The following VSIG4 variants were observed in gnomAD, a reference collection of about 807,000 sequenced individuals.
The protein encoded by VSIG4 is V-set and immunoglobulin domain-containing protein 4.
A neutral mutation model predicts 23.4 loss-of-function variants in VSIG4; 34 were observed. The observed-to-expected ratio is 1.45, with a 90% CI of 1.10 to 1.93. The LOEUF (loss-of-function observed/expected upper bound fraction) is 1.93. Among genes scored for constraint, VSIG4 ranks in the 30% most tolerant of loss-of-function variants. The pLI is 0.00. For synonymous variants in VSIG4, 169 were observed against 120.3 expected, an observed-to-expected ratio of 1.41 and a Z score of -2.65; for missense variants, 433 against 310.8, an observed-to-expected ratio of 1.39 and a Z score of -2.96.
At chrX:66,025,246 C>G in intron 5 of VSIG4, 117 bp from the exon 6 acceptor site, 1 of 462,910 alleles carries the variant, frequency 2.2e-6, no homozygotes, top group Non-Finnish European at 3.5e-6. Flanking sequence ...CCATATTCTC[C>G]TAACCTTCTT....
intron 3 of VSIG4, among the ~76,000 whole-genome samples, chrX:66,031,869 G>A (rs142384501): frequency 3.9e-4 from 44 of 111,820 alleles, no homozygotes; most frequent in African/African-American, 1.4e-3. Context: ...ACAATGAAGT[G>A]GGGGAGGGAA....
chrX:66,037,552 A>T (rs1441795958), intron 1 of VSIG4, among the ~76,000 whole-genome samples: 8 of 66,054 alleles, frequency 1.2e-4, no homozygotes, highest in African/African-American at 5.2e-4. Flanking sequence ...ATTATATTAT[A>T]TTATATATTT....
chrX:66,033,644 T>A lies in VSIG4; in HGVS notation c.242A>T (p.Lys81Met). The A allele has an allele frequency of 2.5e-6, 3 of 1,211,513 alleles. No homozygotes were observed. The highest frequency in any genetic ancestry group is 3.4e-6 in the Non-Finnish European group (3 of 895,444). ...DSSGDHIQQA[K>M]YQGRLHVSHK... ...GCTCACATGCAGGCGGCCCTGGTAC[T>A]TTGCCTGCTGGATATGGTCTCCAGA... The change falls in exon 2 of 8, where the codon AAG (lysine) becomes ATG (methionine). Residue 81 changes from lysine to methionine, a missense_variant. Physicochemically the swap from Lys to Met is moderately conservative, Grantham distance 95. Transcript: ENST00000374737.
intron 1 of VSIG4, among the ~76,000 whole-genome samples, chrX:66,035,825 C>T (rs978180448): frequency 2.7e-5 from 3 of 112,189 alleles, no homozygotes; most frequent in Non-Finnish European, 5.6e-5. Context: ...TCTCACATTC[C>T]CCTCTTGGGC....
chrX:66,028,886 T>A (rs2085429078), intron 3 of VSIG4, among the ~76,000 whole-genome samples: 1 of 111,314 alleles, frequency 9.0e-6, no homozygotes, highest in African/African-American at 3.3e-5. Context: ...TCCCCAGGGA[T>A]GGGGTAGCAT....
At chrX:66,037,756 AC>A (rs1376589058) in intron 1 of VSIG4, among the ~76,000 whole-genome samples, 2 of 101,688 alleles carry the variant, frequency 2.0e-5, no homozygotes, top group Admixed American at 1.2e-4. Flanking sequence ...TATTACTGAT[AC>A]GTATATATAC....
chrX:66,028,294 A>G (rs1257303004), intron 3 of VSIG4, among the ~76,000 whole-genome samples, 182 bp from the exon 4 acceptor site: 1 of 111,887 alleles, frequency 8.9e-6, no homozygotes, highest in African/African-American at 3.3e-5. Context: ...TCAATCAAGG[A>G]CAGAGTTTTT....
Position 66,022,464 on chromosome X carries a change from G to T in VSIG4, c.999C>A (p.Thr333=), listed in dbSNP as rs1328318164. ...CACTTGCGAAGATGGCCACCCTCAT[G>T]GTTTCTCCAGAGTCGTTGGCCTCTC... ...HAREANDSGE[T]MRVAIFASGC... The change falls in exon 8 of 8, where the codon ACC becomes ACA. Residue 333 remains threonine, a synonymous_variant. Coordinates refer to ENST00000374737, the MANE Select transcript of VSIG4 (RefSeq NM_007268.3). The T allele has an allele frequency of 8.3e-7, 1 of 1,210,785 alleles. No individual in the cohort carries two copies. The highest frequency in any genetic ancestry group is 1.1e-6 in the Non-Finnish European group (1 of 895,380).
At chrX:66,027,988 T>C (rs2085412483) in intron 4 of VSIG4, 62 bp downstream of exon 4, 1 of 1,065,593 alleles carries the variant, frequency 9.4e-7, no homozygotes, top group African/African-American at 1.8e-5. Flanking sequence ...GTGATTCCTT[T>C]CTTGGCTACG....
intron 1 of VSIG4, among the ~76,000 whole-genome samples, chrX:66,039,245 G>A (rs547460505): frequency 8.9e-6 from 1 of 112,191 alleles, no homozygotes; most frequent in South Asian, 3.7e-4. Context: ...AGGAGACATA[G>A]TACTTGTCCT....
chrX:66,022,201 A>G lies in VSIG4; in HGVS notation c.*62T>C, dbSNP rs747717138. On this transcript the variant is annotated 3_prime_UTR_variant, in exon 8 of 8. Transcript: ENST00000374737. Reference sequence around the variant, plus strand: ...AAGAGAGGTAGCAGGGAAGAAGGCCATGCAGAAGGCAAGGACTGACTAGGC... The same window carrying G: ...AAGAGAGGTAGCAGGGAAGAAGGCCGTGCAGAAGGCAAGGACTGACTAGGC... 16 of 1,210,353 alleles carry G rather than the reference A, an allele frequency of 1.3e-5. No individual in the cohort carries two copies. Among genetic ancestry groups the G allele is most frequent in the Non-Finnish European group, 1.8e-5 (16 of 895,159 alleles).
At position 66,027,518 on chromosome X, in the gene VSIG4, T is replaced by C. The variant is rs755233915; in HGVS notation, c.766A>G (p.Thr256Ala). 8.4e-7 allele frequency: 1 copy of C among 1,191,072 alleles called. No individual in the cohort carries two copies. ...TMTYPLKATSTVKQSWDWTTD... is the reference protein window; with the variant it reads ...TMTYPLKATSAVKQSWDWTTD... ...GTCCAGTCCCAGGACTGCTTCACTG[T>C]AGATGTTGCTATGAATATAGAGAAT... is the stretch of plus-strand genomic sequence containing the variant. Residue 256 changes from threonine (T) to alanine (A), a missense_variant, in exon 5 of 8, where the codon ACA (threonine) becomes GCA (alanine). Transcript: ENST00000374737.
chrX:66,036,096 G>C (rs1248261276), intron 1 of VSIG4, among the ~76,000 whole-genome samples: 1 of 111,426 alleles, frequency 9.0e-6, no homozygotes, highest in East Asian at 2.8e-4. Context: ...TTGGTAACTA[G>C]ACTTCCCAAA....
At chrX:66,035,130 T>C (rs1345278582) in intron 1 of VSIG4, among the ~76,000 whole-genome samples, 2 of 110,771 alleles carry the variant, frequency 1.8e-5, no homozygotes, top group East Asian at 5.7e-4. Flanking sequence ...GCCTGTGCCC[T>C]CACCAGGGAC....
chrX:66,038,481 T>TCACA (rs10555185), intron 1 of VSIG4, among the ~76,000 whole-genome samples: 9 of 101,941 alleles, frequency 8.8e-5, no homozygotes, highest in South Asian at 4.2e-4. Context: ...TCTCTCTCTC[T>TCACA]CACACACACA....
At position 66,032,655 on chromosome X, in the gene VSIG4, A is replaced by G; in HGVS notation, c.507T>C (p.Gly169=). 1 of 1,211,174 alleles carries G rather than the reference A, an allele frequency of 8.3e-7. No individual in the cohort carries two copies. Among genetic ancestry groups the G allele is most frequent in the South Asian group, 1.8e-5 (1 of 56,928 alleles). Reference sequence around the variant, plus strand: ...ACCAAATATAACTGATGGGAGGAGAACCCCGAGCCTGGCATTGAAGGCTAA... The same window carrying G: ...ACCAAATATAACTGATGGGAGGAGAGCCCCGAGCCTGGCATTGAAGGCTAA... ...MRISLQCQAR[G]SPPISYIWYK... Residue 169 remains glycine, a synonymous_variant, in exon 3 of 8, where the codon GGT becomes GGC. Coordinates refer to ENST00000374737, the MANE Select transcript of VSIG4 (RefSeq NM_007268.3).
At chrX:66,027,338 A>G in intron 5 of VSIG4, 111 bp downstream of exon 5, 1 of 646,952 alleles carries the variant, frequency 1.5e-6, no homozygotes, top group Non-Finnish European at 2.5e-6. Flanking sequence ...GGCACATAGC[A>G]GGTAATGATT....
intron 2 of VSIG4, 140 bp from the exon 3 acceptor site, chrX:66,032,889 TAAG>T (rs1385994988): frequency 8.9e-6 from 6 of 673,347 alleles, no homozygotes; most frequent in Non-Finnish European, 4.3e-6. Flanking sequence ...TTGGAGGAAA[TAAG>T]AAGGAAAGGG....
intron 3 of VSIG4, among the ~76,000 whole-genome samples, chrX:66,029,145 C>T (rs184723873): frequency 1.1e-4 from 12 of 110,915 alleles, no homozygotes; most frequent in East Asian, 5.7e-4. Context: ...TTAGATGTGG[C>T]GAAACATATT....
Sources: allele counts gnomAD v4.1 joint callset (sites outside exome capture counted in the v4.1 genomes callset), GRCh38; gene constraint gnomAD v4.1.1; transcripts MANE v1.5; gene names NCBI Gene and HGNC (gene_info 2026-07-23, HGNC 2026-07-21).